The following RYR2 variants were observed in gnomAD, a reference collection of about 807,000 sequenced individuals.
RYR2 encodes the protein cardiac muscle ryanodine receptor-calcium release channel.
Under a neutral mutation model 601.1 loss-of-function variants are expected in RYR2, and 227 were observed. That is an observed-to-expected ratio of 0.38 (90% CI 0.34 to 0.42). RYR2 has a LOEUF of 0.42. Among genes scored for constraint, RYR2 ranks in the 10% least tolerant of loss-of-function variants. The probability of loss-of-function intolerance (pLI) is 1.00; values close to 1 mark genes in which losing one functional copy is unlikely to be tolerated. For synonymous variants in RYR2, 2,223 were observed against 2,175.1 expected, an observed-to-expected ratio of 1.02 and a Z score of -0.61; for missense variants, 4,646 against 6,156.5, an observed-to-expected ratio of 0.75 and a Z score of 8.21.
At chr1:237,505,233 CTGT>C (rs1423202661) in intron 22 of RYR2, among the ~76,000 whole-genome samples, 5 of 152,114 alleles carry the variant, frequency 3.3e-5, no homozygotes, top group African/African-American at 1.2e-4. Context: ...CAAATGTTAG[CTGT>C]TGTTCCTCTT....
At chr1:237,467,356 G>T (rs1022626178) in intron 16 of RYR2, among the ~76,000 whole-genome samples, 1 of 151,932 alleles carries the variant, frequency 6.6e-6, no homozygotes, top group African/African-American at 2.4e-5. Flanking sequence ...ACTTTATCAT[G>T]TCCTTTTTCC....
At chr1:237,462,319 T>G (rs538963847) in intron 16 of RYR2, among the ~76,000 whole-genome samples, 1 of 152,194 alleles carries the variant, frequency 6.6e-6, no homozygotes, top group Non-Finnish European at 1.5e-5. Context: ...ATAACAATTT[T>G]GCATTCGACA....
chr1:237,569,907 T>C (rs1378462060), intron 29 of RYR2, among the ~76,000 whole-genome samples: 2 of 152,090 alleles, frequency 1.3e-5, no homozygotes, highest in Non-Finnish European at 2.9e-5. Flanking sequence ...CGAGATGGCC[T>C]TTGAGCAGAG....
chr1:237,667,662 C>T (rs1158738759), intron 57 of RYR2, among the ~76,000 whole-genome samples: 1 of 152,164 alleles, frequency 6.6e-6, no homozygotes, highest in African/African-American at 2.4e-5. Context: ...TTATGAATAA[C>T]AATGACCATT....
intron 28 of RYR2, 83 bp from the exon 29 acceptor site, chr1:237,569,062 C>A: frequency 8.1e-7 from 1 of 1,232,018 alleles, no homozygotes; most frequent in Non-Finnish European, 1.1e-6. Flanking sequence ...GAAGGGACTG[C>A]TGTTAGGTCG....
At chr1:237,539,740 T>C (rs1307008577) in intron 25 of RYR2, among the ~76,000 whole-genome samples, 1 of 152,256 alleles carries the variant, frequency 6.6e-6, no homozygotes, top group Admixed American at 6.5e-5. Context: ...TAATGCATGC[T>C]GGGCTTCACA....
chr1:237,511,817 T>G, intron 24 of RYR2, 26 bp downstream of exon 24: 2 of 699,700 alleles, frequency 2.9e-6, no homozygotes, highest in Non-Finnish European at 4.3e-6. Context: ...TTTTCTATTT[T>G]CCAACCTGCC....
chr1:237,323,646 G>A (rs960355370), intron 2 of RYR2, among the ~76,000 whole-genome samples: 1 of 152,202 alleles, frequency 6.6e-6, no homozygotes, highest in Admixed American at 6.5e-5. Flanking sequence ...CATATGGGAT[G>A]CTACGAATTC....
intron 2 of RYR2, among the ~76,000 whole-genome samples, chr1:237,323,256 A>G (rs1030510147): frequency 6.6e-6 from 1 of 152,162 alleles, no homozygotes; most frequent in Admixed American, 6.5e-5. Context: ...AGGAACCTAC[A>G]TCAGAGGAAC....
chr1:237,117,727 CTTCTCTTCTCTTCTCTTCT>C (rs1670282590), intron 1 of RYR2, among the ~76,000 whole-genome samples: 1 of 145,436 alleles, frequency 6.9e-6, no homozygotes, highest in African/African-American at 2.6e-5. Flanking sequence ...CTTCTCTTCT[CTTCTCTTCTCTTCTCTTCT>C]CTTCTCTTCT....
Position 237,503,501 on chromosome 1 carries a change from G to T in RYR2, c.2609G>T (p.Ser870Ile), listed in dbSNP as rs1368795646. 9 of 1,613,166 alleles carry T rather than the reference G, an allele frequency of 5.6e-6. No individual in the cohort carries two copies. Among genetic ancestry groups the T allele is most frequent in the Non-Finnish European group, 7.6e-6 (9 of 1,179,390 alleles). The change falls in exon 22 of 105, where the codon AGC becomes ATC. Residue 870 changes from serine (S) to isoleucine (I), a missense_variant. Ser to Ile is a moderately radical substitution (Grantham distance 142). This residue lies in a region of RYR2 where 1,807 missense variants were observed against 2,088.1 expected (regional missense o/e 0.87). Coordinates refer to ENST00000366574, the MANE Select transcript of RYR2 (RefSeq NM_001035.3). ...AAFTPIPVDT[S>I]QIVLPPHLER... is the part of the protein sequence containing the mutation. Reference sequence around the variant, plus strand: ...TTCACACCCATCCCTGTGGATACCAGCCAGGTACCAAGATCCACTCGAATG... The same window carrying T: ...TTCACACCCATCCCTGTGGATACCATCCAGGTACCAAGATCCACTCGAATG...
intron 64 of RYR2, among the ~76,000 whole-genome samples, 199 bp from the exon 65 acceptor site, chr1:237,700,030 A>G (rs1192867323): frequency 6.6e-6 from 1 of 152,226 alleles, no homozygotes; most frequent in East Asian, 1.9e-4. Flanking sequence ...CTATGAAGGC[A>G]TTTGGAAAAG....
chr1:237,496,488 A>G (rs762993013), intron 19 of RYR2, 23 bp from the exon 20 acceptor site: 1 of 1,607,146 alleles, frequency 6.2e-7, no homozygotes, highest in Non-Finnish European at 8.5e-7. Context: ...CTTTCCTTAC[A>G]TGTGATTCCC....
At chr1:237,277,637 A>G (rs922173477) in intron 2 of RYR2, among the ~76,000 whole-genome samples, 1 of 152,130 alleles carries the variant, frequency 6.6e-6, no homozygotes, top group South Asian at 2.1e-4. Flanking sequence ...TTGGTCTCTA[A>G]AGACCAGACC....
chr1:237,509,492 G>A (rs527718426), intron 23 of RYR2, among the ~76,000 whole-genome samples: 2 of 152,196 alleles, frequency 1.3e-5, no homozygotes, highest in South Asian at 2.1e-4. Context: ...GGAAGTTATC[G>A]TTACTTTGGG....
chr1:237,579,989 C>T (rs767891170), intron 29 of RYR2, among the ~76,000 whole-genome samples: 31 of 147,022 alleles, frequency 2.1e-4, no homozygotes, highest in Non-Finnish European at 3.9e-4. Context: ...AGCATATTGA[C>T]GGCATAGGGA....
chr1:237,342,407 A>G (rs575817813), intron 3 of RYR2, among the ~76,000 whole-genome samples: 2 of 149,976 alleles, frequency 1.3e-5, no homozygotes, highest in South Asian at 2.1e-4. Context: ...TCCCACCTTA[A>G]CCTCCCAAAA....
At position 237,564,307 on chromosome 1, in the gene RYR2, G is replaced by A. The variant is rs534657053; in HGVS notation, c.3215-2260G>A. 7.2e-5 allele frequency among the ~76,000 whole-genome samples: 11 copies of A among 152,112 alleles called. No homozygotes were observed. In the South Asian group the frequency reaches 2.3e-3, roughly 32 times the overall value. On this transcript the variant is annotated intron_variant, in intron 27 of 104. Coordinates refer to ENST00000366574, the MANE Select transcript of RYR2 (RefSeq NM_001035.3). ...TTTTTTAAACACAGAGTCTTGCTCT[G>A]TTGCCCAGGCTAGAGTGTAGTGGCA...
intron 1 of RYR2, among the ~76,000 whole-genome samples, chr1:237,081,666 T>G (rs996711284): frequency 1.3e-5 from 2 of 151,880 alleles, no homozygotes; most frequent in Admixed American, 1.3e-4. Flanking sequence ...CAATATTCCA[T>G]CCCAATGACC....
Sources: allele counts gnomAD v4.1 joint callset (sites outside exome capture counted in the v4.1 genomes callset), GRCh38; gene constraint gnomAD v4.1.1; regional missense constraint gnomAD v4.1.1; transcripts MANE v1.5; gene names NCBI Gene and HGNC (gene_info 2026-07-23, HGNC 2026-07-21).